Variants in SLC35F1 observed in about 807,000 individuals in gnomAD.
SLC35F1 encodes chromosome 6 open reading frame 169.
A neutral mutation model predicts 48.7 loss-of-function variants in SLC35F1; 14 were observed. The ratio of observed to expected loss-of-function variants is 0.29; its 90% CI spans 0.19 to 0.45. The LOEUF (loss-of-function observed/expected upper bound fraction) is 0.45. SLC35F1 is among the 20% of genes least tolerant of loss of function. SLC35F1 has a pLI of 1.00. For missense variants in SLC35F1, 404 were observed against 500.0 expected (o/e 0.81, Z 1.83); for synonymous variants, 190 against 202.2 (o/e 0.94, Z 0.51).
At chr6:118,276,706 T>C (rs2114631925) in intron 5 of SLC35F1, among the ~76,000 whole-genome samples, 1 of 152,356 alleles carries the variant, frequency 6.6e-6, no homozygotes, top group Non-Finnish European at 1.5e-5. Context: ...GCTTCTTTTA[T>C]GGGTTATTAT....
chr6:118,143,569 G>C (rs1168802976), intron 1 of SLC35F1, among the ~76,000 whole-genome samples: 1 of 152,108 alleles, frequency 6.6e-6, no homozygotes, highest in Non-Finnish European at 1.5e-5. Context: ...TTCCAAACTG[G>C]AGAATAAACT....
intron 1 of SLC35F1, among the ~76,000 whole-genome samples, chr6:118,011,758 C>T (rs1284479503): frequency 1.3e-5 from 2 of 152,176 alleles, no homozygotes; most frequent in Non-Finnish European, 2.9e-5. Context: ...AGTACCAGTT[C>T]ATGGCTTGGG....
At chr6:118,061,829 T>C (rs1309846530) in intron 1 of SLC35F1, among the ~76,000 whole-genome samples, 1 of 152,216 alleles carries the variant, frequency 6.6e-6, no homozygotes, top group South Asian at 2.1e-4. Context: ...ACCTAGATCC[T>C]TCGCATGCGC....
At chr6:118,079,018 G>T (rs1260782921) in intron 1 of SLC35F1, among the ~76,000 whole-genome samples, 1 of 152,202 alleles carries the variant, frequency 6.6e-6, no homozygotes, top group Non-Finnish European at 1.5e-5. Context: ...TTAAAAAAAT[G>T]TATTGTGGTA....
intron 1 of SLC35F1, among the ~76,000 whole-genome samples, chr6:118,139,165 C>G (rs111615949): frequency 2.6e-5 from 4 of 152,038 alleles, no homozygotes; most frequent in African/African-American, 4.8e-5. Context: ...CAGGCTGGAG[C>G]GCAGTGGTGT....
intron 1 of SLC35F1, among the ~76,000 whole-genome samples, chr6:117,922,969 C>CTT (rs371072456): frequency 2.6e-5 from 4 of 152,262 alleles, no homozygotes; most frequent in African/African-American, 9.6e-5. Context: ...TAGAGATCAT[C>CTT]TTTGCTATCT....
intron 1 of SLC35F1, among the ~76,000 whole-genome samples, chr6:117,992,368 A>G (rs578166831): frequency 6.6e-5 from 10 of 152,318 alleles, no homozygotes; most frequent in African/African-American, 2.4e-4. Flanking sequence ...TTAATATTCT[A>G]AAATATCCTA....
chr6:118,161,397 T>C (rs1774230823), intron 2 of SLC35F1, among the ~76,000 whole-genome samples: 1 of 152,112 alleles, frequency 6.6e-6, no homozygotes, highest in South Asian at 2.1e-4. Context: ...AGTTCTCAGT[T>C]CTCTGGGTAA....
At chr6:118,183,169 T>G (rs1180103638) in intron 2 of SLC35F1, among the ~76,000 whole-genome samples, 1 of 152,184 alleles carries the variant, frequency 6.6e-6, no homozygotes, top group Non-Finnish European at 1.5e-5. Flanking sequence ...CTGTATTTTC[T>G]GAAGCTTCCT....
chr6:117,957,889 GT>G (rs1776446682), intron 1 of SLC35F1, among the ~76,000 whole-genome samples: 1 of 152,072 alleles, frequency 6.6e-6, no homozygotes, highest in Non-Finnish European at 1.5e-5. Context: ...GCTTTTTATT[GT>G]TATTTTAGAC....
intron 3 of SLC35F1, among the ~76,000 whole-genome samples, chr6:118,261,671 G>A (rs970448395): frequency 1.4e-4 from 21 of 152,088 alleles, no homozygotes; most frequent in Non-Finnish European, 2.8e-4. Context: ...CTTCCAAGGG[G>A]GTTTTGCAGG....
chr6:118,121,225 G>C (rs894757574), intron 1 of SLC35F1, among the ~76,000 whole-genome samples: 7 of 152,118 alleles, frequency 4.6e-5, no homozygotes, highest in Non-Finnish European at 2.9e-5. Flanking sequence ...TACATGCTTA[G>C]AGAAGGTATT....
At chr6:118,019,727 C>A (rs1252150547) in intron 1 of SLC35F1, among the ~76,000 whole-genome samples, 1 of 152,126 alleles carries the variant, frequency 6.6e-6, no homozygotes, top group African/African-American at 2.4e-5. Context: ...TTAGTACCCA[C>A]TATTGATGAA....
chr6:117,923,718 C>CATATGT lies in SLC35F1; in HGVS notation c.173+15823_173+15824insGTATAT, dbSNP rs1562238909. 8.1e-4 allele frequency among the ~76,000 whole-genome samples: 6 copies of CATATGT among 7,398 alleles called. 1 individual carries two copies. The highest frequency in any genetic ancestry group is 0.021 in the South Asian group (2 of 94). 4.9% of individuals were successfully genotyped at this position (7,398 alleles called of 152,430 possible). ...ACATATACATATATGTACATATATA[C>CATATGT]ATATATACATATGTATATATACATA... On this transcript the variant is annotated intron_variant, in intron 1 of 7. Coordinates refer to ENST00000360388, the MANE Select transcript of SLC35F1 (RefSeq NM_001029858.4).
chr6:118,172,401 T>C (rs1774419689), intron 2 of SLC35F1, among the ~76,000 whole-genome samples: 1 of 152,164 alleles, frequency 6.6e-6, no homozygotes, highest in Non-Finnish European at 1.5e-5. Flanking sequence ...TTCTGCACTC[T>C]TGTGGCATTT....
chr6:118,215,433 T>C (rs1388126671), intron 2 of SLC35F1, among the ~76,000 whole-genome samples: 1 of 152,154 alleles, frequency 6.6e-6, no homozygotes, highest in African/African-American at 2.4e-5. Flanking sequence ...TTTGCCTGCA[T>C]AGATAAGACG....
intron 1 of SLC35F1, among the ~76,000 whole-genome samples, chr6:118,073,199 A>G (rs1224086738): frequency 1.3e-5 from 2 of 152,188 alleles, no homozygotes; most frequent in Non-Finnish European, 2.9e-5. Flanking sequence ...CCTTAGTTAC[A>G]TCTCTGGATT....
chr6:118,240,928 C>G (rs1256694938), intron 3 of SLC35F1, among the ~76,000 whole-genome samples: 2 of 152,254 alleles, frequency 1.3e-5, no homozygotes, highest in East Asian at 3.9e-4. Context: ...GTGGCCATTT[C>G]AAGTGTTTGG....
At chr6:117,908,578 C>T (rs536819602) in intron 1 of SLC35F1, among the ~76,000 whole-genome samples, 4 of 152,346 alleles carry the variant, frequency 2.6e-5, no homozygotes, top group East Asian at 1.9e-4. Context: ...GCGCCCATGC[C>T]GGAGGGGGCG....
Sources: allele counts gnomAD v4.1 joint callset (sites outside exome capture counted in the v4.1 genomes callset), GRCh38; gene constraint gnomAD v4.1.1; transcripts MANE v1.5; gene names NCBI Gene and HGNC (gene_info 2026-07-23, HGNC 2026-07-21).